Variants in ROCK1 observed in about 807,000 individuals in gnomAD.
ROCK1 encodes the protein rho-associated protein kinase 1.
A neutral mutation model predicts 196.8 loss-of-function variants in ROCK1; 36 were observed. The observed-to-expected ratio is 0.18, with a 90% CI of 0.14 to 0.24. The LOEUF is 0.24. ROCK1 is among the 10% of genes least tolerant of loss of function. The pLI, the probability that ROCK1 is intolerant of heterozygous loss-of-function variation, is 1.00. For synonymous variants in ROCK1, 443 were observed against 515.9 expected (o/e 0.86, Z 1.91); for missense variants, 920 against 1,562.0 (o/e 0.59, Z 6.93).
chr18:21,089,019 A>G (rs377166789), intron 1 of ROCK1, among the ~76,000 whole-genome samples: 1 of 152,082 alleles, frequency 6.6e-6, no homozygotes, highest in Non-Finnish European at 1.5e-5. Context: ...AATTCCCATT[A>G]TATGTTATTA....
At chr18:20,951,737 C>G (rs974688808) in intron 32 of ROCK1, among the ~76,000 whole-genome samples, 16 of 152,092 alleles carry the variant, frequency 1.1e-4, no homozygotes, top group Admixed American at 2.6e-4. Flanking sequence ...TAAGTCATTT[C>G]AAAGAATTAG....
At chr18:21,090,900 C>T (rs1321056559) in intron 1 of ROCK1, among the ~76,000 whole-genome samples, 1 of 152,006 alleles carries the variant, frequency 6.6e-6, no homozygotes, top group Non-Finnish European at 1.5e-5. Context: ...GCTAAGTAAG[C>T]AAAATTTATT....
chr18:21,110,071 T>C (rs1295622830), intron 1 of ROCK1, among the ~76,000 whole-genome samples: 4 of 152,180 alleles, frequency 2.6e-5, no homozygotes, highest in Non-Finnish European at 4.4e-5. Flanking sequence ...AACTGTATTA[T>C]CAACCACTTA....
chr18:21,033,102 C>T (rs1480616642), intron 9 of ROCK1, among the ~76,000 whole-genome samples: 2 of 152,028 alleles, frequency 1.3e-5, no homozygotes, highest in African/African-American at 4.8e-5. Flanking sequence ...GAGGCTGAGG[C>T]AGGAGGATCC....
chr18:21,063,215 C>T (rs1459781940), intron 2 of ROCK1, among the ~76,000 whole-genome samples: 2 of 152,154 alleles, frequency 1.3e-5, no homozygotes, highest in Non-Finnish European at 2.9e-5. Context: ...TCCCCACCTA[C>T]TAGCACTGGC....
At chr18:20,957,398 A>AT (rs2035253166) in intron 29 of ROCK1, among the ~76,000 whole-genome samples, 1 of 152,262 alleles carries the variant, frequency 6.6e-6, no homozygotes, top group Admixed American at 6.5e-5. Context: ...GTTTAATTCC[A>AT]TTTATATAAA....
chr18:21,068,611 A>ATTGT (rs1201444417), intron 2 of ROCK1, among the ~76,000 whole-genome samples: 1 of 152,196 alleles, frequency 6.6e-6, no homozygotes, highest in Admixed American at 6.5e-5. Flanking sequence ...AACATTGAAT[A>ATTGT]TCTTGTTAGG....
At chr18:21,044,307 A>G in intron 5 of ROCK1, 121 bp from the exon 6 acceptor site, 1 of 586,980 alleles carries the variant, frequency 1.7e-6, no homozygotes, top group Non-Finnish European at 3.0e-6. Flanking sequence ...TTTGATCTGT[A>G]TGTGTTCTCT....
intron 2 of ROCK1, 47 bp downstream of exon 2, chr18:21,070,485 T>C (rs2036374520): frequency 1.0e-6 from 1 of 976,866 alleles, no homozygotes. Context: ...TAAGTGAAAA[T>C]GTAGTTATAT....
At chr18:21,063,118 G>A (rs1039902727) in intron 2 of ROCK1, among the ~76,000 whole-genome samples, 13 of 152,242 alleles carry the variant, frequency 8.5e-5, no homozygotes, top group South Asian at 4.1e-4. Context: ...ACATGCACAA[G>A]AGCTCACTTT....
rs1459059926 is a variant in ROCK1, at chr18:20,984,272, CA to C, written c.2489+78del. On this transcript the variant is annotated intron_variant, in intron 20 of 32. Transcript: ENST00000399799. ...ACAAACTCTAAGTACATAATCTGTA[CA>C]TATGTAAAATGTCAAACACACAAGT... 3 of 1,054,598 alleles carry C rather than the reference CA, an allele frequency of 2.8e-6. No individual in the cohort carries two copies. The African/African-American group carries it at 4.8e-5, about 17-fold the overall frequency. 65.3% of individuals were successfully genotyped at this position (1,054,598 alleles called of 1,614,324 possible).
intron 29 of ROCK1, among the ~76,000 whole-genome samples, chr18:20,958,954 A>T (rs868815624): frequency 4.2e-5 from 4 of 94,414 alleles, no homozygotes; most frequent in African/African-American, 1.7e-4. Flanking sequence ...TAATATATAT[A>T]TTTTATATAA....
intron 21 of ROCK1, among the ~76,000 whole-genome samples, chr18:20,981,422 G>T (rs2035532485): frequency 6.6e-6 from 1 of 151,996 alleles, no homozygotes; most frequent in Admixed American, 6.6e-5. Context: ...CCACAAATAA[G>T]ATTTATCAAG....
rs1197638673 is a variant in ROCK1, at chr18:21,012,874, G to A, written c.1410+2557C>T. 2.6e-5 allele frequency among the ~76,000 whole-genome samples: 4 copies of A among 152,054 alleles called. No individual in the cohort carries two copies. In the East Asian group the frequency reaches 7.7e-4, roughly 29 times the overall value. On this transcript the variant is annotated intron_variant, in intron 13 of 32. Transcript: ENST00000399799. ...TGCATAATTTCTATTTTTCTTTGTT[G>A]AAGGTCTCTGATTCGCTCCTCTGCA...
intron 2 of ROCK1, among the ~76,000 whole-genome samples, chr18:21,051,686 A>G (rs561656047): frequency 3.9e-5 from 6 of 152,332 alleles, no homozygotes; most frequent in South Asian, 4.1e-4. Flanking sequence ...ATTAAAGTTT[A>G]AAGTAGCTCT....
At chr18:20,994,750 T>C (rs566587616) in intron 16 of ROCK1, among the ~76,000 whole-genome samples, 16 of 152,296 alleles carry the variant, frequency 1.1e-4, no homozygotes, top group Non-Finnish European at 2.4e-4. Flanking sequence ...AAATTAAGTA[T>C]AGTTTATTTT....
chr18:21,082,151 C>G (rs2036487877), intron 1 of ROCK1, among the ~76,000 whole-genome samples: 1 of 151,906 alleles, frequency 6.6e-6, no homozygotes, highest in African/African-American at 2.4e-5. Context: ...GCTGCCCAGG[C>G]TGGTCTTGAA....
At chr18:21,044,468 C>T (rs1241012848) in intron 5 of ROCK1, among the ~76,000 whole-genome samples, 1 of 152,088 alleles carries the variant, frequency 6.6e-6, no homozygotes. Flanking sequence ...AAATACAACA[C>T]TCAGACATAA....
At chr18:21,036,497 T>G (rs2036058534) in intron 9 of ROCK1, among the ~76,000 whole-genome samples, 1 of 152,244 alleles carries the variant, frequency 6.6e-6, no homozygotes, top group African/African-American at 2.4e-5. Context: ...CAGGCTGGAA[T>G]GCAGTAGCAT....
Sources: gnomAD v4.1 joint callset for allele counts (sites outside exome capture counted in the v4.1 genomes callset) on GRCh38, gnomAD v4.1.1 for gene constraint, MANE v1.5 for transcripts, NCBI Gene and HGNC (gene_info 2026-07-23, HGNC 2026-07-21) for gene names.